PDE4B: variants seen among roughly 807,000 people sequenced by gnomAD.
The protein encoded by PDE4B is phosphodiesterase 4B, also known as 3',5'-cyclic-AMP phosphodiesterase 4B.
A neutral mutation model predicts 82.2 loss-of-function variants in PDE4B; 20 were observed. The observed-to-expected ratio is 0.24, with a 90% CI of 0.17 to 0.35. The LOEUF is 0.35. PDE4B is among the 10% of genes least tolerant of loss of function. The pLI is 1.00. For synonymous variants in PDE4B, 320 were observed against 318.9 expected (o/e 1.00, Z -0.04); for missense variants, 655 against 907.2 (o/e 0.72, Z 3.57).
chr1:66,225,001 G>A (rs1018101328), intron 3 of PDE4B, among the ~76,000 whole-genome samples: 1 of 152,098 alleles, frequency 6.6e-6, no homozygotes, highest in African/African-American at 2.4e-5. Flanking sequence ...CCTTTTCTTT[G>A]GACACAATTC....
chr1:66,331,430 T>G (rs1441985251), intron 7 of PDE4B, among the ~76,000 whole-genome samples: 3 of 152,238 alleles, frequency 2.0e-5, no homozygotes, highest in Non-Finnish European at 1.5e-5. Context: ...ATTTCAGTGC[T>G]TATTAAGATA....
chr1:66,161,879 T>C (rs895472546), intron 3 of PDE4B, among the ~76,000 whole-genome samples: 20 of 152,198 alleles, frequency 1.3e-4, no homozygotes, highest in African/African-American at 4.3e-4. Flanking sequence ...AAATCTCAAA[T>C]TCACCTACCA....
intron 7 of PDE4B, among the ~76,000 whole-genome samples, chr1:66,310,934 C>T (rs1658623890): frequency 6.6e-6 from 1 of 152,152 alleles, no homozygotes; most frequent in Non-Finnish European, 1.5e-5. Context: ...ATATTGAGTG[C>T]TCGATAAATG....
chr1:66,326,652 T>C (rs1659771554), intron 7 of PDE4B, among the ~76,000 whole-genome samples: 1 of 152,198 alleles, frequency 6.6e-6, no homozygotes, highest in Admixed American at 6.5e-5. Context: ...CCCATAAAGG[T>C]TATGTACAGC....
intron 9 of PDE4B, among the ~76,000 whole-genome samples, chr1:66,358,902 T>A (rs1280108494): frequency 6.6e-6 from 1 of 151,746 alleles, no homozygotes; most frequent in Admixed American, 6.6e-5. Context: ...TCCTATCTTT[T>A]AAAAAAAAGT....
intron 3 of PDE4B, among the ~76,000 whole-genome samples, chr1:66,215,646 G>A (rs1427447807): frequency 6.6e-6 from 1 of 152,142 alleles, no homozygotes; most frequent in African/African-American, 2.4e-5. Flanking sequence ...TTCAGAGACA[G>A]GAGATTGAGT....
chr1:65,818,719 T>A (rs1645916084), intron 1 of PDE4B, among the ~76,000 whole-genome samples: 1 of 141,552 alleles, frequency 7.1e-6, no homozygotes, highest in Non-Finnish European at 1.5e-5. Context: ...AACAAAAATC[T>A]TCAAATACAT....
intron 3 of PDE4B, among the ~76,000 whole-genome samples, chr1:65,983,111 A>G (rs576998718): frequency 6.6e-6 from 1 of 152,238 alleles, no homozygotes; most frequent in Admixed American, 6.5e-5. Context: ...TGGACTTATG[A>G]TCTCTTTCTT....
intron 3 of PDE4B, among the ~76,000 whole-genome samples, chr1:66,027,743 C>T (rs1653526549): frequency 6.6e-6 from 1 of 152,194 alleles, no homozygotes. Flanking sequence ...CCATGCAAGT[C>T]CAAAATCCAA....
intron 3 of PDE4B, among the ~76,000 whole-genome samples, chr1:66,082,641 A>AATAT (rs67481716): frequency 0.042 from 6,189 of 147,842 alleles, 197 homozygotes; most frequent in South Asian, 0.17. Flanking sequence ...GGATTGAAAT[A>AATAT]ATATATATAT....
intron 7 of PDE4B, among the ~76,000 whole-genome samples, chr1:66,289,704 T>TTATA (rs35797677): frequency 1.4e-4 from 21 of 148,236 alleles, no homozygotes; most frequent in African/African-American, 4.0e-4. Flanking sequence ...AGAGAAAATG[T>TTATA]TATATATATA....
At chr1:66,159,800 A>T (rs1426672989) in intron 3 of PDE4B, among the ~76,000 whole-genome samples, 1 of 152,148 alleles carries the variant, frequency 6.6e-6, no homozygotes, top group East Asian at 1.9e-4. Context: ...AAGCATTTGA[A>T]ATTGCTTCAA....
intron 3 of PDE4B, among the ~76,000 whole-genome samples, chr1:66,121,297 G>A (rs1483468960): frequency 1.3e-5 from 2 of 152,170 alleles, no homozygotes; most frequent in African/African-American, 4.8e-5. Flanking sequence ...TTTTAGCTGA[G>A]ACTTGGAAAA....
chr1:66,317,325 C>G (rs1405319404), intron 7 of PDE4B, among the ~76,000 whole-genome samples: 1 of 152,182 alleles, frequency 6.6e-6, no homozygotes, highest in East Asian at 1.9e-4. Flanking sequence ...TCCTCCATCC[C>G]TCACCACCTC....
Position 66,035,821 on chromosome 1 carries a change from C to A in PDE4B, c.281+116986C>A, listed in dbSNP as rs553981198. Among the ~76,000 whole-genome samples, 3 of 152,238 alleles carry A rather than the reference C, an allele frequency of 2.0e-5. No homozygotes were observed. In the South Asian group the frequency reaches 6.2e-4, roughly 32 times the overall value. On this transcript the variant is annotated intron_variant, in intron 3 of 16. Transcript: ENST00000341517. ...AATGAATATGGGAGTGTAGACATCT[C>A]TTTGGCATACTAATTTTAATTCCTT...
chr1:66,067,591 G>A (rs1452279920), intron 3 of PDE4B, among the ~76,000 whole-genome samples: 4 of 151,912 alleles, frequency 2.6e-5, no homozygotes, highest in Admixed American at 6.6e-5. Flanking sequence ...GATATTAGCC[G>A]TTTGTCAGAT....
chr1:66,324,172 C>T (rs991498907), intron 7 of PDE4B, among the ~76,000 whole-genome samples: 7 of 152,154 alleles, frequency 4.6e-5, no homozygotes, highest in African/African-American at 1.4e-4. Flanking sequence ...TTTGCCTTGA[C>T]TAAGCCTATC....
intron 3 of PDE4B, among the ~76,000 whole-genome samples, chr1:65,954,052 A>C (rs1649137069): frequency 6.6e-6 from 1 of 151,962 alleles, no homozygotes; most frequent in African/African-American, 2.4e-5. Flanking sequence ...ACATGCCACC[A>C]CACCCAGCTT....
intron 3 of PDE4B, among the ~76,000 whole-genome samples, chr1:65,941,367 C>G (rs997279020): frequency 1.3e-5 from 2 of 151,966 alleles, no homozygotes; most frequent in Non-Finnish European, 2.9e-5. Flanking sequence ...TTCTTATTTC[C>G]GGATTCCTAA....
Sources: allele counts gnomAD v4.1 joint callset (sites outside exome capture counted in the v4.1 genomes callset), GRCh38; gene constraint gnomAD v4.1.1; transcripts MANE v1.5; gene names NCBI Gene and HGNC (gene_info 2026-07-23, HGNC 2026-07-21).